SHOC2: variants seen among roughly 807,000 people sequenced by gnomAD.
SHOC2 encodes the protein SHOC2 leucine rich repeat scaffold protein, also known as leucine-rich repeat protein SHOC-2.
In SHOC2, 4 loss-of-function variants were observed where a neutral mutation model predicts 50.2. That is an observed-to-expected ratio of 0.08 (90% CI 0.04 to 0.18). The LOEUF (loss-of-function observed/expected upper bound fraction) is 0.18, where lower values mean the gene tolerates loss of function less well. Among genes scored for constraint, SHOC2 ranks in the 10% least tolerant of loss-of-function variants. SHOC2 has a pLI of 1.00. For missense variants in SHOC2, 388 were observed against 669.6 expected, an observed-to-expected ratio of 0.58 and a Z score of 4.64; for synonymous variants, 218 against 244.5, an observed-to-expected ratio of 0.89 and a Z score of 1.01.
chr10:110,945,881 C>T (rs1276108122), intron 1 of SHOC2, among the ~76,000 whole-genome samples: 1 of 152,172 alleles, frequency 6.6e-6, no homozygotes, highest in Non-Finnish European at 1.5e-5. Flanking sequence ...GGATGTTCTT[C>T]TCACCCCCAA....
At position 111,008,158 on chromosome 10, in the gene SHOC2, C is replaced by G. The variant is rs181381564; in HGVS notation, c.1284+505C>G. On this transcript the variant is annotated intron_variant, in intron 6 of 8. Coordinates refer to ENST00000369452, the MANE Select transcript of SHOC2 (RefSeq NM_007373.4). ...TTTTCTGTATCTAGAATGCCCTCTT[C>G]TCATCCCCTTAGTTTTTTTCTTTTA... Among the ~76,000 whole-genome samples, 179 of 146,230 alleles carry G rather than the reference C, an allele frequency of 1.2e-3. 3 individuals carry two copies. In the South Asian group the frequency reaches 0.016, roughly 13 times the overall value.
upstream of SHOC2, chr10:110,919,545 G>A (rs1249035764): frequency 2.9e-4 from 111 of 386,266 alleles, no homozygotes; most frequent in Non-Finnish European, 4.4e-4. Context: ...GGCGGGGCGA[G>A]TGGGGGAGGG....
chr10:110,987,929 T>C (rs1848111787), intron 3 of SHOC2, among the ~76,000 whole-genome samples: 1 of 152,012 alleles, frequency 6.6e-6, no homozygotes, highest in Non-Finnish European at 1.5e-5. Flanking sequence ...CCCTAGAATC[T>C]AGATCAAAAA....
chr10:111,001,407 G>A (rs575709276), intron 4 of SHOC2, among the ~76,000 whole-genome samples: 138 of 152,030 alleles, frequency 9.1e-4, no homozygotes, highest in Non-Finnish European at 1.6e-3. Flanking sequence ...CACCCTCCTC[G>A]GCCTCCCAAA....
intron 3 of SHOC2, among the ~76,000 whole-genome samples, chr10:110,990,250 T>A (rs1007231477): frequency 2.0e-5 from 3 of 151,286 alleles, no homozygotes; most frequent in African/African-American, 7.3e-5. Flanking sequence ...ACGTGGAGAG[T>A]CTTTATGTCT....
At chr10:111,009,692 T>C (rs1276367264) in intron 7 of SHOC2, 21 bp from the exon 8 acceptor site, 5 of 1,416,112 alleles carry the variant, frequency 3.5e-6, no homozygotes, top group Non-Finnish European at 5.0e-6. Flanking sequence ...GTAACTCTCT[T>C]TTATTTTGTA....
chr10:110,975,076 A>G (rs1336371813), intron 2 of SHOC2, among the ~76,000 whole-genome samples: 1 of 152,172 alleles, frequency 6.6e-6, no homozygotes, highest in African/African-American at 2.4e-5. Flanking sequence ...GTGATACAAT[A>G]CAATAAACTA....
chr10:110,919,397 C>G (rs1846550537), upstream of SHOC2: 1 of 391,504 alleles, frequency 2.6e-6, no homozygotes, highest in Non-Finnish European at 4.5e-6. Flanking sequence ...GAGAGAGAAG[C>G]TGGCGGCACT....
Position 110,925,086 on chromosome 10 carries a change from A to T in SHOC2, c.-235+5429A>T, listed in dbSNP as rs951678577. Among the ~76,000 whole-genome samples, 89 of 147,900 alleles carry T rather than the reference A, an allele frequency of 6.0e-4. 2 individuals carry two copies. The highest frequency in any genetic ancestry group is 3.6e-3 in the Middle Eastern group (1 of 278). On this transcript the variant is annotated intron_variant, in intron 1 of 8. Coordinates refer to ENST00000369452, the MANE Select transcript of SHOC2 (RefSeq NM_007373.4). ...ACTCTGTCTCAAAAAAAAAAAAAAA[A>T]AAAAAATTAAAATAAAAAGCAATAC...
At chr10:110,997,123 A>T (rs1218052641) in intron 3 of SHOC2, among the ~76,000 whole-genome samples, 1 of 152,226 alleles carries the variant, frequency 6.6e-6, no homozygotes, top group Non-Finnish European at 1.5e-5. Context: ...CTTTAAAACA[A>T]GTTGACTTAG....
chr10:110,937,938 ATCAGTTCTTCAGTTTTCC>A (rs1228464088), intron 1 of SHOC2, among the ~76,000 whole-genome samples: 1 of 152,186 alleles, frequency 6.6e-6, no homozygotes, highest in African/African-American at 2.4e-5. Context: ...TAGAGTGCTC[ATCAGTTCTTCAGTTTTCC>A]TTAGATGGTG....
At position 110,970,001 on chromosome 10, in the gene SHOC2, C is replaced by T. The variant is rs528716699; in HGVS notation, c.703+4940C>T. On this transcript the variant is annotated intron_variant, in intron 2 of 8. Coordinates refer to ENST00000369452, the MANE Select transcript of SHOC2 (RefSeq NM_007373.4). Reference sequence around the variant, plus strand: ...ATGAAATCATGGTAATTAGCACATCCGTCACCTCAAACATTTATCATTGCT... The same window carrying T: ...ATGAAATCATGGTAATTAGCACATCTGTCACCTCAAACATTTATCATTGCT... Among the ~76,000 whole-genome samples, 6 of 152,198 alleles carry T rather than the reference C, an allele frequency of 3.9e-5. No homozygotes were observed. The East Asian group carries it at 7.7e-4, about 20-fold the overall frequency.
At chr10:110,926,774 G>A (rs912960451) in intron 1 of SHOC2, among the ~76,000 whole-genome samples, 6 of 152,092 alleles carry the variant, frequency 3.9e-5, no homozygotes, top group African/African-American at 1.4e-4. Flanking sequence ...CATTCAAAAT[G>A]ATACAATTTA....
At chr10:111,007,060 G>A (rs1311940266) in intron 5 of SHOC2, among the ~76,000 whole-genome samples, 1 of 152,110 alleles carries the variant, frequency 6.6e-6, no homozygotes, top group African/African-American at 2.4e-5. Flanking sequence ...TTTTAAGACT[G>A]TTTTTCCTCC....
chr10:110,925,768 A>G (rs1846759490), intron 1 of SHOC2, among the ~76,000 whole-genome samples: 1 of 152,160 alleles, frequency 6.6e-6, no homozygotes, highest in Non-Finnish European at 1.5e-5. Context: ...TTCATGCAAT[A>G]TAATTTAATA....
chr10:110,991,607 G>A (rs895715838), intron 3 of SHOC2, among the ~76,000 whole-genome samples: 40 of 152,028 alleles, frequency 2.6e-4, no homozygotes, highest in African/African-American at 8.9e-4. Context: ...GTCATTTATC[G>A]ATTACCATGT....
intron 1 of SHOC2, among the ~76,000 whole-genome samples, chr10:110,925,385 G>A (rs1268483888): frequency 6.6e-6 from 1 of 152,034 alleles, no homozygotes; most frequent in Non-Finnish European, 1.5e-5. Flanking sequence ...AATTTTTCAC[G>A]CAGTATTTTT....
intron 1 of SHOC2, among the ~76,000 whole-genome samples, chr10:110,957,825 G>A (rs1157390635): frequency 6.6e-6 from 1 of 152,084 alleles, no homozygotes. Flanking sequence ...TTTATCTCTG[G>A]TCTATGTCCT....
chr10:111,000,605 A>C (rs932807548), intron 4 of SHOC2, 60 bp downstream of exon 4: 15 of 1,463,858 alleles, frequency 1.0e-5, no homozygotes, highest in African/African-American at 4.2e-5. Context: ...ATTCAAGGAA[A>C]GCTAGTAAAT....
Sources: gnomAD v4.1 joint callset for allele counts (sites outside exome capture counted in the v4.1 genomes callset) on GRCh38, gnomAD v4.1.1 for gene constraint, MANE v1.5 for transcripts, NCBI Gene and HGNC (gene_info 2026-07-23, HGNC 2026-07-21) for gene names.